The following DTHD1 variants were observed in gnomAD, a reference collection of about 807,000 sequenced individuals.
DTHD1 encodes death domain containing 1.
In DTHD1, 59 loss-of-function variants were observed where a neutral mutation model predicts 74.8. The observed-to-expected ratio is 0.79, with a 90% confidence interval of 0.64 to 0.98. DTHD1 has a LOEUF of 0.98. DTHD1 is among the 50% of genes least tolerant of loss of function. The probability of loss-of-function intolerance (pLI) is 0.00; values close to 1 mark genes in which losing one functional copy is unlikely to be tolerated. For synonymous variants in DTHD1, 365 were observed against 371.1 expected (o/e 0.98, Z 0.19); for missense variants, 1,051 against 1,065.4 (o/e 0.99, Z 0.19).
intron 8 of DTHD1, among the ~76,000 whole-genome samples, chr4:36,321,701 G>C (rs1194888809): frequency 6.6e-6 from 1 of 152,168 alleles, no homozygotes; most frequent in East Asian, 1.9e-4. Context: ...CTACGAAACT[G>C]GTTCCTGGTG....
Position 36,316,281 on chromosome 4 carries a change from T to C in DTHD1, c.2135T>C (p.Phe712Ser). 1 of 1,551,754 alleles carries C rather than the reference T, an allele frequency of 6.4e-7. No individual in the cohort carries two copies. Among genetic ancestry groups the C allele is most frequent in the Non-Finnish European group, 8.7e-7 (1 of 1,146,976 alleles). The stretch of plus-strand genomic sequence containing the variant: ...TATGGAAAAGACTACACACTTATTT[T>C]TCACTTGCAAAGAAAACCTAGGCTG... The part of the protein sequence containing the change: ...KDYGKDYTLI[F>S]HLQRKPRLEL... The change falls in exon 8 of 10, where the codon TTT (phenylalanine) becomes TCT (serine). Residue 712 changes from phenylalanine to serine, a missense_variant. By Grantham distance (155) the Phe-to-Ser change is radical (BLOSUM62 -2). Transcript: ENST00000639862.
intron 5 of DTHD1, among the ~76,000 whole-genome samples, chr4:36,304,730 C>T (rs544814000): frequency 6.6e-5 from 10 of 152,140 alleles, no homozygotes; most frequent in Non-Finnish European, 1.5e-4. Flanking sequence ...TTCACTTAAA[C>T]GAACTCAAGA....
chr4:36,316,391 A>G lies in DTHD1; in HGVS notation c.2245A>G (p.Lys749Glu), dbSNP rs1484278911. 1 of 1,552,142 alleles carries G rather than the reference A, an allele frequency of 6.4e-7. No homozygotes were observed. The highest frequency in any genetic ancestry group is 2.4e-5 in the East Asian group (1 of 40,910). Residue 749 changes from lysine (K) to glutamate (E), a missense_variant, in exon 8 of 10, where the codon AAA (lysine) becomes GAA (glutamate). Coordinates refer to ENST00000639862, the MANE Select transcript of DTHD1 (RefSeq NM_001170700.3). ...KGTIVVYKVP[K>E]GKIVPNLNQS... Reference sequence around the variant, plus strand: ...CACCATTGTCGTTTATAAAGTACCTAAAGGAAAGATAGTCCCCAACTTGAA... The same window carrying G: ...CACCATTGTCGTTTATAAAGTACCTGAAGGAAAGATAGTCCCCAACTTGAA...
chr4:36,285,644 G>GAA (rs10645677), intron 2 of DTHD1, among the ~76,000 whole-genome samples: 58,161 of 150,208 alleles, frequency 0.39, 13,441 homozygotes, highest in African/African-American at 0.65. Flanking sequence ...GCTTAGAAGT[G>GAA]AAAAAAAAAA....
chr4:36,333,365 A>T (rs1314388610), intron 8 of DTHD1: 1 of 151,958 alleles, frequency 6.6e-6, no homozygotes, highest in Non-Finnish European at 1.5e-5. Context: ...AGTTTTAATT[A>T]AAAAAAAGAA....
intron 3 of DTHD1, among the ~76,000 whole-genome samples, chr4:36,293,252 C>A (rs1039129387): frequency 3.4e-5 from 5 of 147,112 alleles, no homozygotes; most frequent in African/African-American, 1.0e-4. Flanking sequence ...AAATAATTGC[C>A]CATTATTCAC....
Position 36,287,014 on chromosome 4 carries a change from G to A in DTHD1, c.887+2423G>A, listed in dbSNP as rs192685113. ...ATTTCAATAGGTTTTAGGGGAACAG[G>A]TGGTGTTTGGTTACACGAATAAGTT... On this transcript the variant is annotated intron_variant, in intron 2 of 9. Transcript: ENST00000639862. Among the ~76,000 whole-genome samples, 265 of 151,890 alleles carry A rather than the reference G, an allele frequency of 1.7e-3. 2 individuals are homozygous for A. The highest frequency in any genetic ancestry group is 5.0e-3 in the South Asian group (24 of 4,800).
At chr4:36,303,695 C>G (rs182026427) in intron 5 of DTHD1, among the ~76,000 whole-genome samples, 3 of 152,278 alleles carry the variant, frequency 2.0e-5, no homozygotes, top group African/African-American at 4.8e-5. Context: ...CTGAATGGAT[C>G]ACTGGAACCG....
chr4:36,293,541 G>T lies in DTHD1; in HGVS notation c.1234G>T (p.Val412Leu). Residue 412 changes from valine (V) to leucine (L), a missense_variant, in exon 4 of 10, where the codon GTA becomes TTA. Physicochemically the swap from Val to Leu is conservative, Grantham distance 32. Transcript: ENST00000639862. Reference sequence around the variant, plus strand: ...TTCTATACAGGGGACCTGTGCTTCAGTAAAAGTTTACAAATTGGGTATCTT... The same window carrying T: ...TTCTATACAGGGGACCTGTGCTTCATTAAAAGTTTACAAATTGGGTATCTT... ...KGGYKGTCASVKVYKLGIFSV... is the reference protein window; with the variant it reads ...KGGYKGTCASLKVYKLGIFSV... 6.5e-7 allele frequency: 1 copy of T among 1,543,218 alleles called. No individual in the cohort carries two copies. Among genetic ancestry groups the T allele is most frequent in the South Asian group, 1.2e-5 (1 of 83,004 alleles).
chr4:36,292,466 A>C (rs949736446), intron 3 of DTHD1, among the ~76,000 whole-genome samples: 7 of 152,192 alleles, frequency 4.6e-5, no homozygotes, highest in Non-Finnish European at 1.0e-4. Flanking sequence ...TGACATTATA[A>C]AATTCTAATT....
intron 7 of DTHD1, among the ~76,000 whole-genome samples, chr4:36,309,377 G>A (rs532280375): frequency 4.2e-4 from 64 of 152,310 alleles, no homozygotes; most frequent in African/African-American, 1.4e-3. Context: ...ACTTGAACCC[G>A]GGAGGCGGAG....
rs896581316 is a variant in DTHD1, at chr4:36,284,492, C to T, written c.788C>T (p.Thr263Ile). Residue 263 changes from threonine to isoleucine, a missense_variant, in exon 2 of 10, where the codon ACA (threonine) becomes ATA (isoleucine). Physicochemically the swap from Thr to Ile is moderately conservative, Grantham distance 89 (BLOSUM62 -1). Transcript: ENST00000639862. ...TSESPREEMT[T>I]SSIICDISKK... ...GAAAGCCCAAGAGAAGAGATGACCACATCCTCAATAATATGTGATATCTCC... is the reference window on the plus strand; with the variant it reads ...GAAAGCCCAAGAGAAGAGATGACCATATCCTCAATAATATGTGATATCTCC... 3.6e-5 allele frequency: 55 copies of T among 1,536,822 alleles called. No homozygotes were observed. Among genetic ancestry groups the T allele is most frequent in the Non-Finnish European group, 4.6e-5 (53 of 1,146,730 alleles).
Position 36,346,904 on chromosome 4 carries a change from T to C in DTHD1, c.*3080T>C, listed in dbSNP as rs1759616112. The stretch of plus-strand genomic sequence containing the variant: ...AAGTCTAAGGGTGGTAATAGCTCTC[T>C]TGTTGTTTGGAGTAACTGTGTTATT... On this transcript the variant is annotated 3_prime_UTR_variant, in exon 10 of 10. Coordinates refer to ENST00000639862, the MANE Select transcript of DTHD1 (RefSeq NM_001170700.3). 6.6e-6 allele frequency among the ~76,000 whole-genome samples: 1 copy of C among 152,090 alleles called. No homozygotes were observed. Among genetic ancestry groups the C allele is most frequent in the African/African-American group, 2.4e-5 (1 of 41,414 alleles).
intron 2 of DTHD1, among the ~76,000 whole-genome samples, chr4:36,287,265 A>G (rs2109444887): frequency 6.6e-6 from 1 of 152,346 alleles, no homozygotes; most frequent in Admixed American, 6.5e-5. Context: ...CAGTTAGAGT[A>G]ATGTTCTCCA....
intron 2 of DTHD1, among the ~76,000 whole-genome samples, chr4:36,284,844 G>A (rs936885476): frequency 6.6e-6 from 1 of 152,136 alleles, no homozygotes; most frequent in African/African-American, 2.4e-5. Flanking sequence ...CTCACATGGT[G>A]GAAAAAGTGA....
intron 8 of DTHD1, among the ~76,000 whole-genome samples, chr4:36,338,666 G>A (rs536461037): frequency 2.6e-5 from 4 of 152,000 alleles, no homozygotes; most frequent in South Asian, 4.2e-4. Flanking sequence ...GTTGATTTTC[G>A]AATAATATCT....
In DTHD1 at chr4:36,343,506, C is replaced by T; in HGVS notation, c.2403C>T (p.Ala801=). 1 of 1,550,764 alleles carries T rather than the reference C, an allele frequency of 6.4e-7. No homozygotes were observed. Among genetic ancestry groups the T allele is most frequent in the Non-Finnish European group, 8.7e-7 (1 of 1,146,450 alleles). Residue 801 remains alanine (A), a synonymous_variant, in exon 10 of 10, where the codon GCC becomes GCT. Transcript: ENST00000639862. ...TKRVSKDPVE[A]LWDNLLHWLA... ...TGTTCCTCCTGTGCCTGACAGAAGC[C>T]CTTTGGGATAACTTGCTCCATTGGC...
chr4:36,296,230 G>C (rs1158206517), intron 5 of DTHD1, among the ~76,000 whole-genome samples: 1 of 152,024 alleles, frequency 6.6e-6, no homozygotes, highest in Non-Finnish European at 1.5e-5. Flanking sequence ...GGGAATCAGG[G>C]TTTTCATCCT....
intron 7 of DTHD1, among the ~76,000 whole-genome samples, chr4:36,312,852 T>G (rs1757483537): frequency 6.6e-6 from 1 of 152,198 alleles, no homozygotes; most frequent in Non-Finnish European, 1.5e-5. Flanking sequence ...TGAAGGGTTT[T>G]CAACAGAGAA....
Sources: gnomAD v4.1 joint callset for allele counts (sites outside exome capture counted in the v4.1 genomes callset) on GRCh38, gnomAD v4.1.1 for gene constraint, MANE v1.5 for transcripts, NCBI Gene and HGNC (gene_info 2026-07-23, HGNC 2026-07-21) for gene names.